The following BIN2 variants were observed in gnomAD, a reference collection of about 807,000 sequenced individuals.
BIN2 encodes bridging integrator 2.
In BIN2, 43 loss-of-function variants were observed where a neutral mutation model predicts 67.9. That is an observed-to-expected ratio of 0.63 (90% CI 0.50 to 0.82). The LOEUF is 0.82. Ranked by LOEUF, BIN2 falls within the 40% of genes least tolerant of loss-of-function variation. The pLI is 0.00. For synonymous variants in BIN2, 244 were observed against 246.8 expected (o/e 0.99, Z 0.11); for missense variants, 581 against 671.6 (o/e 0.87, Z 1.49).
intron 8 of BIN2, 106 bp from the exon 9 acceptor site, chr12:51,295,984 C>G (rs1219388778): frequency 4.8e-6 from 4 of 839,396 alleles, no homozygotes; most frequent in Non-Finnish European, 7.9e-6. Flanking sequence ...AAACCTCCCC[C>G]TTTCAATTCT....
At chr12:51,305,701 T>TG (rs1945848842) in intron 2 of BIN2, among the ~76,000 whole-genome samples, 1 of 151,900 alleles carries the variant, frequency 6.6e-6, no homozygotes. Context: ...TGGAAATCTT[T>TG]GGGGAAAGGT....
chr12:51,306,876 TG>T (rs1170072512), intron 2 of BIN2, among the ~76,000 whole-genome samples: 1 of 152,216 alleles, frequency 6.6e-6, no homozygotes, highest in Non-Finnish European at 1.5e-5. Context: ...ACATGTTAAA[TG>T]TATACAACAT....
chr12:51,304,985 T>G (rs1945830402), intron 2 of BIN2, among the ~76,000 whole-genome samples: 1 of 149,806 alleles, frequency 6.7e-6, no homozygotes, highest in African/African-American at 2.5e-5. Context: ...GCCACCGTAC[T>G]CCAGGCTGGG....
Position 51,302,977 on chromosome 12 carries a change from G to A in BIN2, c.217+110C>T, listed in dbSNP as rs1342482648. ...CACAAAATTCCAGGAGTCAAGAGTA[G>A]TCAAATGATAAAATGACAAAAACCT... On this transcript the variant is annotated intron_variant, in intron 3 of 12. Coordinates refer to ENST00000615107, the MANE Select transcript of BIN2 (RefSeq NM_016293.4). The A allele has an allele frequency of 2.2e-6, 3 of 1,333,816 alleles. No individual in the cohort carries two copies. In the East Asian group the frequency reaches 6.9e-5, roughly 31 times the overall value. The allele number at this position is 1,333,816 out of a possible 1,614,324, so 82.6% of individuals were successfully genotyped here.
intron 9 of BIN2, among the ~76,000 whole-genome samples, chr12:51,292,799 C>T (rs1361269982): frequency 6.6e-6 from 1 of 152,154 alleles, no homozygotes; most frequent in Non-Finnish European, 1.5e-5. Context: ...CAATCATCTA[C>T]CTTCTTGCTT....
intron 1 of BIN2, among the ~76,000 whole-genome samples, chr12:51,315,108 C>T (rs766138568): frequency 1.3e-5 from 2 of 152,078 alleles, no homozygotes; most frequent in Non-Finnish European, 2.9e-5. Flanking sequence ...GTTGCCTCAG[C>T]CTCCCAGAGT....
chr12:51,298,901 T>C (rs1258023596), intron 7 of BIN2, among the ~76,000 whole-genome samples: 1 of 151,660 alleles, frequency 6.6e-6, no homozygotes, highest in Non-Finnish European at 1.5e-5. Flanking sequence ...AAACCCCATC[T>C]CTACTAAAAA....
At chr12:51,311,249 C>G (rs1945986197) in intron 2 of BIN2, among the ~76,000 whole-genome samples, 1 of 152,078 alleles carries the variant, frequency 6.6e-6, no homozygotes, top group Non-Finnish European at 1.5e-5. Context: ...GTTAAGGTCT[C>G]CTGTGTTGCC....
At chr12:51,284,265 A>G (rs1412964720) in intron 12 of BIN2, among the ~76,000 whole-genome samples, 1 of 152,138 alleles carries the variant, frequency 6.6e-6, no homozygotes, top group Admixed American at 6.6e-5. Flanking sequence ...ACAGCTGCCT[A>G]CAGAATTCAG....
intron 5 of BIN2, 40 bp downstream of exon 5, chr12:51,301,980 G>C (rs1054324036): frequency 7.3e-6 from 10 of 1,370,052 alleles, no homozygotes; most frequent in Non-Finnish European, 9.4e-6. Flanking sequence ...AACCTGGATG[G>C]GTCATCCACA....
At chr12:51,318,248 T>C (rs1946182393) in intron 1 of BIN2, among the ~76,000 whole-genome samples, 1 of 151,498 alleles carries the variant, frequency 6.6e-6, no homozygotes. Context: ...GAGACTCTGA[T>C]TCATATCTCC....
At chr12:51,314,214 A>G (rs1946068708) in intron 1 of BIN2, among the ~76,000 whole-genome samples, 1 of 151,340 alleles carries the variant, frequency 6.6e-6, no homozygotes. Context: ...CGCCCAGCTA[A>G]TTTTTGTATT....
Position 51,306,519 on chromosome 12 carries a change from C to A in BIN2, c.163-3378G>T, listed in dbSNP as rs146898443. Among the ~76,000 whole-genome samples the A allele has an allele frequency of 1.3e-3, 201 of 152,198 alleles. 1 individual carries two copies. Among genetic ancestry groups the A allele is most frequent in the African/African-American group, 4.7e-3 (194 of 41,540 alleles). ...GTGGGTGCCAGTAATCCCAACTACTCGGGAGGCTGAGGCAGGAGAATCACT... is the reference window on the plus strand; with the variant it reads ...GTGGGTGCCAGTAATCCCAACTACTAGGGAGGCTGAGGCAGGAGAATCACT... On this transcript the variant is annotated intron_variant, in intron 2 of 12. Coordinates refer to ENST00000615107, the MANE Select transcript of BIN2 (RefSeq NM_016293.4).
Position 51,297,143 on chromosome 12 carries a change from G to C in BIN2, c.624C>G (p.Thr208=), listed in dbSNP as rs555892885. Residue 208 remains threonine (T), a synonymous_variant, in exon 8 of 13, where the codon ACC becomes ACG. Transcript: ENST00000615107. ...TCAAGTTGGAAATGTTTTGGAAGAT[G>C]GTCACATAGCAGCCAATACGACTAT... The part of the protein sequence containing the change: ...LYNSRIGCYV[T]IFQNISNLRD... 6.2e-7 allele frequency: 1 copy of C among 1,613,954 alleles called. No homozygotes were observed. Among genetic ancestry groups the C allele is most frequent in the Non-Finnish European group, 8.5e-7 (1 of 1,179,886 alleles).
chr12:51,323,752 G>C (rs944990563), intron 1 of BIN2, among the ~76,000 whole-genome samples: 2 of 152,234 alleles, frequency 1.3e-5, no homozygotes, highest in African/African-American at 4.8e-5. Flanking sequence ...CCTGAGGGTT[G>C]TCGAAGGTTC....
intron 1 of BIN2, 43 bp downstream of exon 1, chr12:51,323,979 G>A (rs1230028441): frequency 3.1e-6 from 5 of 1,605,018 alleles, no homozygotes; most frequent in Middle Eastern, 1.7e-4. Context: ...CCTCGGCCTC[G>A]GCTCCCTGTG....
intron 4 of BIN2, 182 bp downstream of exon 4, chr12:51,302,502 GAA>G (rs1340770265): frequency 1.7e-6 from 1 of 600,564 alleles, no homozygotes; most frequent in Non-Finnish European, 2.9e-6. Context: ...ACAGATTAGG[GAA>G]AACTTGTTTT....
rs200130190 is a variant in BIN2 at position 51,299,588 on chromosome 12, G to A, written c.516+19C>T. ...GAACAGGAAGGGTTTACCAGTTTTT[G>A]TTGTTGTTTTTGTTTTACCTTGGCA... On this transcript the variant is annotated intron_variant, in intron 6 of 12. Transcript: ENST00000615107. 2.1e-4 allele frequency: 344 copies of A among 1,608,356 alleles called. 2 individuals carry two copies. The highest frequency in any genetic ancestry group is 2.8e-4 in the Non-Finnish European group (331 of 1,175,130).
Position 51,291,781 on chromosome 12 carries a change from C to T in BIN2, c.1325G>A (p.Gly442Glu), listed in dbSNP as rs1945386832. 6.2e-7 allele frequency: 1 copy of T among 1,613,532 alleles called. No homozygotes were observed. The change falls in exon 10 of 13, where the codon GGG becomes GAG. Residue 442 changes from glycine to glutamate, a missense_variant. Transcript: ENST00000615107. Reference sequence around the variant, plus strand: ...GGCCCTAGGGCTGGTGGGTGAACCCCCTCCAGAGGCTGTAGGGCTGGAAGG... The same window carrying T: ...GGCCCTAGGGCTGGTGGGTGAACCCTCTCCAGAGGCTGTAGGGCTGGAAGG... Reference protein sequence around the residue: ...NIPSSPTASGGGSPTSPRASL... With the variant: ...NIPSSPTASGEGSPTSPRASL...
Sources: allele counts gnomAD v4.1 joint callset (sites outside exome capture counted in the v4.1 genomes callset), GRCh38; gene constraint gnomAD v4.1.1; transcripts MANE v1.5; gene names NCBI Gene and HGNC (gene_info 2026-07-23, HGNC 2026-07-21).